CYP20A1: variants seen among roughly 807,000 people sequenced by gnomAD.
CYP20A1 encodes cytochrome P450 20A1.
In CYP20A1, 61 loss-of-function variants were observed where a neutral mutation model predicts 61.4. The ratio of observed to expected loss-of-function variants is 0.99; its 90% CI spans 0.81 to 1.23. The LOEUF (loss-of-function observed/expected upper bound fraction) is 1.23. CYP20A1 is among the 50% of genes most tolerant of loss of function. CYP20A1 has a pLI of 0.00. For synonymous variants in CYP20A1, 193 were observed against 188.2 expected, an observed-to-expected ratio of 1.03 and a Z score of -0.21; for missense variants, 530 against 542.4, an observed-to-expected ratio of 0.98 and a Z score of 0.23.
At chr2:203,244,143 C>A (rs939010859) in intron 1 of CYP20A1, among the ~76,000 whole-genome samples, 2 of 152,058 alleles carry the variant, frequency 1.3e-5, no homozygotes, top group African/African-American at 4.8e-5. Context: ...TCTCTTCACT[C>A]CTGTACTAGA....
chr2:203,252,899 A>G (rs2105914755), intron 4 of CYP20A1, among the ~76,000 whole-genome samples: 2 of 151,924 alleles, frequency 1.3e-5, no homozygotes, highest in South Asian at 4.2e-4. Context: ...CCCCACTCCT[A>G]GTTCCTATGT....
rs531689060 is a variant in CYP20A1 at position 203,254,625 on chromosome 2, G to A, written c.432+2516G>A. 1.2e-4 allele frequency among the ~76,000 whole-genome samples: 19 copies of A among 152,014 alleles called. No individual in the cohort carries two copies. The South Asian group carries it at 3.3e-3, about 27-fold the overall frequency. ...TTTTAATGTAATCAGATTATACTGC[G>A]TGGATAGTCTTTGTGTTTTTTATTT... On this transcript the variant is annotated intron_variant, in intron 4 of 12. Transcript: ENST00000356079.
At chr2:203,291,117 G>A (rs1037222226) in intron 10 of CYP20A1, among the ~76,000 whole-genome samples, 2 of 151,988 alleles carry the variant, frequency 1.3e-5, no homozygotes, top group African/African-American at 4.8e-5. Context: ...CTGTTACCTA[G>A]GCTGGAGTGC....
intron 1 of CYP20A1, among the ~76,000 whole-genome samples, chr2:203,242,833 C>A (rs531562039): frequency 6.6e-6 from 1 of 151,874 alleles, no homozygotes; most frequent in African/African-American, 2.4e-5. Context: ...TTACTATAAC[C>A]ACTCCTTTGC....
chr2:203,240,006 G>C (rs1215631079), intron 1 of CYP20A1, among the ~76,000 whole-genome samples: 4 of 152,178 alleles, frequency 2.6e-5, no homozygotes, highest in African/African-American at 9.7e-5. Context: ...TGAGGCAGGA[G>C]AATCGCTTGA....
At chr2:203,251,935 T>C (rs1315778876) in intron 3 of CYP20A1, 32 bp from the exon 4 acceptor site, 1 of 1,500,526 alleles carries the variant, frequency 6.7e-7, no homozygotes, top group Admixed American at 2.0e-5. Context: ...GTGATTATTT[T>C]GATACAGAAA....
chr2:203,283,211 A>ATTTTTTTTTTTTT (rs371972851), intron 8 of CYP20A1, among the ~76,000 whole-genome samples: 1 of 83,492 alleles, frequency 1.2e-5, no homozygotes, highest in African/African-American at 4.7e-5. Context: ...CAATGTGAGA[A>ATTTTTTTTTTTTT]TTTTTTTTTT....
chr2:203,241,446 G>C (rs1470996459), intron 1 of CYP20A1, among the ~76,000 whole-genome samples: 1 of 152,178 alleles, frequency 6.6e-6, no homozygotes, highest in Non-Finnish European at 1.5e-5. Flanking sequence ...AGACAATTTA[G>C]ATACAGGAGA....
intron 1 of CYP20A1, among the ~76,000 whole-genome samples, chr2:203,240,473 T>G (rs1403236030): frequency 1.3e-5 from 2 of 152,226 alleles, no homozygotes; most frequent in Admixed American, 6.5e-5. Context: ...CTCTTGGAAT[T>G]TATTTCCTAG....
chr2:203,248,881 T>C (rs909467503), intron 3 of CYP20A1, among the ~76,000 whole-genome samples: 3 of 152,108 alleles, frequency 2.0e-5, no homozygotes, highest in African/African-American at 7.2e-5. Context: ...GGCTAATTTA[T>C]TTACTTTTTA....
chr2:203,279,885 G>A (rs1009441889), intron 7 of CYP20A1, among the ~76,000 whole-genome samples, 174 bp from the exon 8 acceptor site: 4 of 152,102 alleles, frequency 2.6e-5, no homozygotes, highest in Non-Finnish European at 2.9e-5. Flanking sequence ...GTGGTATTTA[G>A]GTTGGTATTC....
intron 7 of CYP20A1, 55 bp downstream of exon 7, chr2:203,278,743 A>G (rs1161740361): frequency 2.1e-6 from 2 of 942,874 alleles, no homozygotes; most frequent in Admixed American, 5.0e-5. Context: ...AGCCAGGCAC[A>G]ATGGCTCATG....
chr2:203,242,107 A>G (rs573845424), intron 1 of CYP20A1, among the ~76,000 whole-genome samples: 10 of 152,136 alleles, frequency 6.6e-5, no homozygotes, highest in Admixed American at 4.6e-4. Context: ...CTCCCAAAGC[A>G]CTGGGATTAC....
chr2:203,302,990 C>T lies in CYP20A1; in HGVS notation c.*6082C>T, dbSNP rs1275552980. On this transcript the variant is annotated 3_prime_UTR_variant, in exon 13 of 13. Coordinates refer to ENST00000356079, the MANE Select transcript of CYP20A1 (RefSeq NM_177538.3). ...ACAAGCATGAGCCACCGCGCTCGGT[C>T]CCTTTCTTTTTATTTATTTATTTAT... Among the ~76,000 whole-genome samples, 1 of 151,348 alleles carries T rather than the reference C, an allele frequency of 6.6e-6. No homozygotes were observed.
chr2:203,304,269 C>G lies in CYP20A1; in HGVS notation c.*7361C>G, dbSNP rs1171236537. ...CTTGAGTGCAGTGGCATGATCTGGG[C>G]TCACTACAACCTCCATCTCCCCAGT... is the stretch of plus-strand genomic sequence containing the variant. On this transcript the variant is annotated 3_prime_UTR_variant, in exon 13 of 13. Transcript: ENST00000356079. Among the ~76,000 whole-genome samples the G allele has an allele frequency of 6.6e-6, 1 of 152,122 alleles. No individual in the cohort carries two copies. Among genetic ancestry groups the G allele is most frequent in the Non-Finnish European group, 1.5e-5 (1 of 68,014 alleles).
chr2:203,254,105 C>G (rs1274779928), intron 4 of CYP20A1, among the ~76,000 whole-genome samples: 2 of 27,346 alleles, frequency 7.3e-5, no homozygotes, highest in Non-Finnish European at 4.1e-4. Context: ...TGCCACCATG[C>G]CCAGCTCATT....
intron 1 of CYP20A1, among the ~76,000 whole-genome samples, chr2:203,243,599 AT>A (rs2066338421): frequency 6.7e-6 from 1 of 149,878 alleles, no homozygotes; most frequent in African/African-American, 2.5e-5. Context: ...TGCCAGGCTG[AT>A]TTTGAACTCC....
At chr2:203,250,773 A>G (rs2066632913) in intron 3 of CYP20A1, among the ~76,000 whole-genome samples, 1 of 152,184 alleles carries the variant, frequency 6.6e-6, no homozygotes, top group Non-Finnish European at 1.5e-5. Context: ...TTAAGAAATG[A>G]TAACAGCTAG....
intron 4 of CYP20A1, among the ~76,000 whole-genome samples, chr2:203,265,694 T>G (rs373190642): frequency 9.8e-4 from 150 of 152,290 alleles, no homozygotes; most frequent in African/African-American, 3.0e-3. Flanking sequence ...TGTTTGTTTG[T>G]TTGGTTGGTT....
Sources: allele counts gnomAD v4.1 joint callset (sites outside exome capture counted in the v4.1 genomes callset), GRCh38; gene constraint gnomAD v4.1.1; transcripts MANE v1.5; gene names NCBI Gene and HGNC (gene_info 2026-07-23, HGNC 2026-07-21).